TRIM5: variants seen among roughly 807,000 people sequenced by gnomAD.
The protein encoded by TRIM5 is tripartite motif-containing protein 5.
TRIM5 carries 31 observed loss-of-function variants against 35.6 expected under a neutral mutation model. That is an observed-to-expected ratio of 0.87 (90% CI 0.65 to 1.18). The LOEUF (loss-of-function observed/expected upper bound fraction) is 1.18, where lower values mean the gene tolerates loss of function less well. Among genes scored for constraint, TRIM5 ranks in the 50% most tolerant of loss-of-function variants. The pLI, the probability that TRIM5 is intolerant of heterozygous loss-of-function variation, is 0.00. For missense variants in TRIM5, 609 were observed against 591.6 expected (o/e 1.03, Z -0.31); for synonymous variants, 243 against 215.6 (o/e 1.13, Z -1.11).
the TRIM5 span, among the ~76,000 whole-genome samples, chr11:5,628,483 C>G: frequency 6.6e-6 from 1 of 152,186 alleles, no homozygotes; most frequent in African/African-American, 2.4e-5. Context: ...GTACCATTGG[C>G]TGGATGACAC....
rs555437957 is a variant in TRIM5 at position 5,672,258 on chromosome 11, C to T, written c.745-4547G>A. Among the ~76,000 whole-genome samples, 4 of 152,260 alleles carry T rather than the reference C, an allele frequency of 2.6e-5. No individual in the cohort carries two copies. In the South Asian group the frequency reaches 6.2e-4, roughly 24 times the overall value. On this transcript the variant is annotated intron_variant, in intron 4 of 7. Transcript: ENST00000380034. Reference sequence around the variant, plus strand: ...ACAGAGTCTGACTCTGTTGCCCAGGCTGCAGTGCAGTGGTGCCATCTCGAC... The same window carrying T: ...ACAGAGTCTGACTCTGTTGCCCAGGTTGCAGTGCAGTGGTGCCATCTCGAC...
chr11:5,613,360 T>C, the TRIM5 span, among the ~76,000 whole-genome samples: 2 of 152,226 alleles, frequency 1.3e-5, no homozygotes, highest in African/African-American at 4.8e-5. Flanking sequence ...CACTGATTTG[T>C]TATCAAGGCT....
chr11:5,669,709 G>C (rs1049480131), intron 4 of TRIM5, among the ~76,000 whole-genome samples: 3 of 152,144 alleles, frequency 2.0e-5, no homozygotes, highest in Non-Finnish European at 4.4e-5. Context: ...TCAAGATCTG[G>C]TCTATGGGCT....
chr11:5,610,673 C>T, the TRIM5 span: 20 of 1,567,212 alleles, frequency 1.3e-5, no homozygotes, highest in Non-Finnish European at 1.6e-5. Context: ...CCATCCCCGC[C>T]ATATAGTTCC....
the TRIM5 span, among the ~76,000 whole-genome samples, chr11:5,636,124 G>A: frequency 6.6e-6 from 1 of 152,102 alleles, no homozygotes. Context: ...AAAACAACTC[G>A]TATCTCCTTA....
chr11:5,656,615 A>C, the TRIM5 span, among the ~76,000 whole-genome samples: 5 of 152,152 alleles, frequency 3.3e-5, no homozygotes, highest in Non-Finnish European at 1.5e-5. Context: ...CGGCCTCCCA[A>C]AGTACTGGGA....
the TRIM5 span, among the ~76,000 whole-genome samples, chr11:5,653,496 G>GTTTTTTTT: frequency 2.3e-5 from 3 of 132,662 alleles, no homozygotes; most frequent in Non-Finnish European, 3.2e-5. Flanking sequence ...TGTTTTTTTT[G>GTTTTTTTT]TTTTTTTTTT....
chr11:5,600,524 C>A, the TRIM5 span, among the ~76,000 whole-genome samples: 3 of 152,126 alleles, frequency 2.0e-5, no homozygotes, highest in Non-Finnish European at 4.4e-5. Context: ...CTTATGCTTA[C>A]ATCCCATGAC....
At chr11:5,667,659 A>G (rs1238928217) in intron 5 of TRIM5, 30 bp downstream of exon 5, 1 of 1,612,214 alleles carries the variant, frequency 6.2e-7, no homozygotes, top group Admixed American at 1.7e-5. Context: ...TCACTGCACA[A>G]AAGGACCATC....
At chr11:5,593,008 G>A in the TRIM5 span, among the ~76,000 whole-genome samples, 14 of 151,776 alleles carry the variant, frequency 9.2e-5, no homozygotes, top group South Asian at 2.3e-3. Flanking sequence ...AGAGAGGGAG[G>A]AAAGGACCAA....
At chr11:5,602,024 C>G in the TRIM5 span, among the ~76,000 whole-genome samples, 1 of 152,070 alleles carries the variant, frequency 6.6e-6, no homozygotes, top group African/African-American at 2.4e-5. Context: ...AGTTGAGGAC[C>G]TATATGTCAG....
At position 5,664,487 on chromosome 11, in the gene TRIM5, TAGTC is replaced by T. The variant is rs531509282; in HGVS notation, c.*318_*321del. Reference sequence around the variant, plus strand: ...GTTGAAAAGCTTTTCTTCATCTTCTTAGTCAGTGTCAGAGGCAATTGGGTGATAA... The same window carrying T: ...GTTGAAAAGCTTTTCTTCATCTTCTTAGTGTCAGAGGCAATTGGGTGATAA... On this transcript the variant is annotated 3_prime_UTR_variant, in exon 8 of 8. Transcript: ENST00000380034. 2.6e-5 allele frequency: 27 copies of T among 1,054,312 alleles called. No individual in the cohort carries two copies. The highest frequency in any genetic ancestry group is 3.9e-5 in the South Asian group (1 of 25,456). 65.3% of individuals were successfully genotyped at this position (1,054,312 alleles called of 1,614,324 possible).
chr11:5,605,767 A>G, the TRIM5 span, among the ~76,000 whole-genome samples: 1 of 152,238 alleles, frequency 6.6e-6, no homozygotes, highest in Non-Finnish European at 1.5e-5. Context: ...TGCAAGGGAA[A>G]GTCCCATTTT....
the TRIM5 span, among the ~76,000 whole-genome samples, chr11:5,629,744 G>A: frequency 6.6e-5 from 10 of 152,320 alleles, no homozygotes; most frequent in South Asian, 1.9e-3. Context: ...GTCTCGCTCT[G>A]TCGCCCGGGC....
At chr11:5,594,087 A>G in the TRIM5 span, among the ~76,000 whole-genome samples, 1 of 152,214 alleles carries the variant, frequency 6.6e-6, no homozygotes, top group Non-Finnish European at 1.5e-5. Context: ...TCTTTTGAGT[A>G]GATTCCTACG....
the TRIM5 span, chr11:5,634,775 G>A: frequency 1.2e-6 from 2 of 1,613,926 alleles, no homozygotes; most frequent in South Asian, 2.2e-5. Context: ...GGCTGAGGAT[G>A]AGCTAGTTCA....
the TRIM5 span, among the ~76,000 whole-genome samples, chr11:5,635,904 T>A: frequency 1.3e-5 from 2 of 152,266 alleles, no homozygotes; most frequent in Non-Finnish European, 2.9e-5. Context: ...TGGGAAGATG[T>A]GAAGAAATTG....
At position 5,678,157 on chromosome 11, in the gene TRIM5, T is replaced by G. The variant is rs753360653; in HGVS notation, c.744+47A>C. The G allele has an allele frequency of 2.0e-6, 3 of 1,513,272 alleles. No individual in the cohort carries two copies. In the African/African-American group the frequency reaches 4.2e-5, roughly 21 times the overall value. The allele number at this position is 1,513,272 out of a possible 1,614,324, so 93.7% of individuals were successfully genotyped here. On this transcript the variant is annotated intron_variant, in intron 4 of 7. Coordinates refer to ENST00000380034, the MANE Select transcript of TRIM5 (RefSeq NM_033034.3). ...CAGCAACGCAGAGAAGGAAATAGCC[T>G]TCACTTTTCTTTAATCTCAGTGCTC...
At chr11:5,591,538 C>T in the TRIM5 span, among the ~76,000 whole-genome samples, 3 of 152,156 alleles carry the variant, frequency 2.0e-5, no homozygotes, top group Non-Finnish European at 4.4e-5. Flanking sequence ...ATCCCAGCTA[C>T]TGGGGAGGCT....
Sources: gnomAD v4.1 joint callset for allele counts (sites outside exome capture counted in the v4.1 genomes callset) on GRCh38, gnomAD v4.1.1 for gene constraint, MANE v1.5 for transcripts, NCBI Gene and HGNC (gene_info 2026-07-23, HGNC 2026-07-21) for gene names.